The following CFI variants were observed in gnomAD, a reference collection of about 807,000 sequenced individuals.
CFI encodes complement factor I, also known as C3B/C4B inactivator.
Under a neutral mutation model 78.8 loss-of-function variants are expected in CFI, and 66 were observed. That is an observed-to-expected ratio of 0.84 (90% CI 0.69 to 1.03). The LOEUF (loss-of-function observed/expected upper bound fraction) is 1.03. CFI is among the 50% of genes least tolerant of loss of function. The pLI is 0.00. For missense variants in CFI, 706 were observed against 704.5 expected, an observed-to-expected ratio of 1.00 and a Z score of -0.02; for synonymous variants, 250 against 232.6, an observed-to-expected ratio of 1.07 and a Z score of -0.68.
chr4:109,788,999 A>T (rs1372636676), intron 1 of CFI, among the ~76,000 whole-genome samples: 4 of 151,938 alleles, frequency 2.6e-5, no homozygotes, highest in Non-Finnish European at 5.9e-5. Flanking sequence ...TGTATTCCAC[A>T]TGTTCAAAAA....
intron 10 of CFI, among the ~76,000 whole-genome samples, chr4:109,748,020 G>T (rs1724691855): frequency 6.6e-6 from 1 of 152,174 alleles, no homozygotes; most frequent in Admixed American, 6.5e-5. Flanking sequence ...ATCAGTACTT[G>T]TCTGCAGCTC....
chr4:109,791,242 CTT>C (rs1175279785), intron 1 of CFI, among the ~76,000 whole-genome samples: 1 of 151,936 alleles, frequency 6.6e-6, no homozygotes, highest in African/African-American at 2.4e-5. Context: ...GCATATAAGT[CTT>C]CTTTTGAAAA....
At chr4:109,776,910 A>G (rs1729324990) in intron 1 of CFI, among the ~76,000 whole-genome samples, 1 of 152,264 alleles carries the variant, frequency 6.6e-6, no homozygotes, top group Admixed American at 6.5e-5. Context: ...TCCTTTACAG[A>G]CAAACAAATG....
At chr4:109,772,612 T>G (rs551337709) in intron 1 of CFI, among the ~76,000 whole-genome samples, 2 of 151,688 alleles carry the variant, frequency 1.3e-5, no homozygotes, top group Admixed American at 1.3e-4. Flanking sequence ...AGAGTCTCAC[T>G]GTGTTGCCTA....
chr4:109,740,499 T>C (rs1380641101), downstream of CFI, among the ~76,000 whole-genome samples: 1 of 152,198 alleles, frequency 6.6e-6, no homozygotes, highest in African/African-American at 2.4e-5. Flanking sequence ...TTTCACAGAA[T>C]TCCAGTTTCC....
Position 109,746,514 on chromosome 4 carries a change from A to C in CFI, c.1149-12T>G, listed in dbSNP as rs1724477753. On this transcript the variant is annotated splice_polypyrimidine_tract_variant and intron_variant, in intron 10 of 12. Transcript: ENST00000394634. Reference sequence around the variant, plus strand: ...GAGTTTTACTGGCTCTATAACAGAAAAAAAAAGGAAATAAAATATATTGAG... The same window carrying C: ...GAGTTTTACTGGCTCTATAACAGAACAAAAAAGGAAATAAAATATATTGAG... 6.4e-7 allele frequency: 1 copy of C among 1,571,202 alleles called. No homozygotes were observed. Among genetic ancestry groups the C allele is most frequent in the Admixed American group, 1.8e-5 (1 of 54,570 alleles).
chr4:109,800,321 G>GTGTTTT (rs1177703893), intron 1 of CFI, among the ~76,000 whole-genome samples: 1 of 48,774 alleles, frequency 2.1e-5, no homozygotes, highest in African/African-American at 7.8e-5. Context: ...TGGCTTCTCT[G>GTGTTTT]TTTTTTTTTT....
chr4:109,785,582 A>C (rs1730640342), intron 1 of CFI, among the ~76,000 whole-genome samples: 1 of 151,918 alleles, frequency 6.6e-6, no homozygotes, highest in African/African-American at 2.4e-5. Context: ...CAGCCTGGTG[A>C]TCTACAAAAC....
chr4:109,742,302 T>C, intron 12 of CFI, 189 bp downstream of exon 12: 3 of 597,366 alleles, frequency 5.0e-6, no homozygotes, highest in Non-Finnish European at 6.0e-6. Flanking sequence ...GGAGGATTTT[T>C]CCTCATAGTA....
chr4:109,755,581 T>C (rs1489485785), intron 7 of CFI, among the ~76,000 whole-genome samples: 3 of 152,138 alleles, frequency 2.0e-5, no homozygotes, highest in African/African-American at 7.2e-5. Context: ...GCTTGTTATA[T>C]ACAAAAGTGA....
intron 7 of CFI, 87 bp from the exon 8 acceptor site, chr4:109,752,590 A>C (rs1725278588): frequency 1.7e-6 from 2 of 1,163,414 alleles, no homozygotes; most frequent in African/African-American, 1.5e-5. Flanking sequence ...ACTGATTATA[A>C]TTTTCTGCCT....
Position 109,761,927 on chromosome 4 carries a change from C to T in CFI, c.483-235G>A, listed in dbSNP as rs191436929. 480 of 475,402 alleles carry T rather than the reference C, an allele frequency of 1.0e-3. 3 individuals are homozygous for T. In the East Asian group the frequency reaches 0.015, roughly 14 times the overall value. The allele number at this position is 475,402 out of a possible 1,614,324, so 29.4% of individuals were successfully genotyped here. ...AAACTTGGCTGGGGGTGGTGGCTCA[C>T]GCCTGTAATCCCAGCACTTTGGGAG... On this transcript the variant is annotated intron_variant, in intron 3 of 12. Transcript: ENST00000394634.
At chr4:109,755,836 G>A (rs530676593) in intron 7 of CFI, among the ~76,000 whole-genome samples, 1 of 152,318 alleles carries the variant, frequency 6.6e-6, no homozygotes, top group African/African-American at 2.4e-5. Context: ...TACTTAAGGA[G>A]AGGATATTCA....
intron 1 of CFI, among the ~76,000 whole-genome samples, chr4:109,795,980 T>C (rs2125872404): frequency 6.6e-6 from 1 of 152,172 alleles, no homozygotes; most frequent in South Asian, 2.1e-4. Context: ...GGGAAGGAAA[T>C]GGACATCTGG....
chr4:109,733,154 G>A, the CFI span, among the ~76,000 whole-genome samples: 6 of 152,040 alleles, frequency 3.9e-5, no homozygotes, highest in African/African-American at 4.8e-5. Context: ...TGTATTTTTA[G>A]TAGCAATGGG....
chr4:109,790,367 T>C (rs551519144), intron 1 of CFI, among the ~76,000 whole-genome samples: 61 of 152,242 alleles, frequency 4.0e-4, no homozygotes, highest in African/African-American at 1.3e-3. Context: ...TTCCTTTTTC[T>C]AAAGAAGATA....
intron 8 of CFI, among the ~76,000 whole-genome samples, chr4:109,749,948 A>C (rs1218885778): frequency 5.9e-5 from 9 of 152,134 alleles, no homozygotes; most frequent in African/African-American, 2.2e-4. Flanking sequence ...TCACATTCTG[A>C]AATCATCAGG....
chr4:109,782,563 A>T (rs1730195603), intron 1 of CFI, among the ~76,000 whole-genome samples: 1 of 152,136 alleles, frequency 6.6e-6, no homozygotes, highest in African/African-American at 2.4e-5. Context: ...ATGCTCATGG[A>T]TGGATAGAAT....
chr4:109,786,052 C>A (rs1398408170), intron 1 of CFI, among the ~76,000 whole-genome samples: 1 of 150,622 alleles, frequency 6.6e-6, no homozygotes, highest in African/African-American at 2.4e-5. Context: ...AAAAAAAAAA[C>A]AAAAAAAACC....
Sources: allele counts gnomAD v4.1 joint callset (sites outside exome capture counted in the v4.1 genomes callset), GRCh38; gene constraint gnomAD v4.1.1; transcripts MANE v1.5; gene names NCBI Gene and HGNC (gene_info 2026-07-23, HGNC 2026-07-21).